Variants in SORCS1 observed in about 807,000 individuals in gnomAD.
SORCS1 encodes the protein VPS10 domain-containing receptor SorCS1.
In SORCS1, 60 loss-of-function variants were observed where a neutral mutation model predicts 146.1. That is an observed-to-expected ratio of 0.41 (90% CI 0.33 to 0.51). The LOEUF is 0.51. Among genes scored for constraint, SORCS1 ranks in the 20% least tolerant of loss-of-function variants. The pLI is 0.21. For missense variants in SORCS1, 1,352 were observed against 1,487.6 expected (o/e 0.91, Z 1.50); for synonymous variants, 637 against 584.0 (o/e 1.09, Z -1.31).
intron 9 of SORCS1, among the ~76,000 whole-genome samples, chr10:106,689,972 G>A (rs991691495): frequency 5.9e-5 from 9 of 152,180 alleles, no homozygotes; most frequent in African/African-American, 2.2e-4. Flanking sequence ...TGGTATAAAT[G>A]AGCTGCAGAG....
At chr10:107,017,111 A>G (rs1422530372) in intron 1 of SORCS1, among the ~76,000 whole-genome samples, 1 of 152,238 alleles carries the variant, frequency 6.6e-6, no homozygotes, top group Admixed American at 6.5e-5. Flanking sequence ...AGTTAACATT[A>G]AGCCATGCTT....
At chr10:107,159,339 T>C (rs1247927247) in intron 1 of SORCS1, among the ~76,000 whole-genome samples, 1 of 152,212 alleles carries the variant, frequency 6.6e-6, no homozygotes, top group Non-Finnish European at 1.5e-5. Flanking sequence ...TAAATTAGTT[T>C]TGACCTGTAA....
chr10:107,171,378 A>G, the SORCS1 span, among the ~76,000 whole-genome samples: 1 of 152,244 alleles, frequency 6.6e-6, no homozygotes, highest in South Asian at 2.1e-4. Flanking sequence ...AAAACACTGT[A>G]CCATCAATCT....
At chr10:106,759,063 T>A (rs1374347519) in intron 5 of SORCS1, among the ~76,000 whole-genome samples, 1 of 152,254 alleles carries the variant, frequency 6.6e-6, no homozygotes, top group African/African-American at 2.4e-5. Context: ...TCTAATGTAG[T>A]TCTCTGGCTT....
chr10:106,629,035 T>A (rs1456708740), intron 19 of SORCS1, among the ~76,000 whole-genome samples, 167 bp downstream of exon 19: 1 of 152,158 alleles, frequency 6.6e-6, no homozygotes, highest in Non-Finnish European at 1.5e-5. Context: ...TACTCTTTGA[T>A]TTTCTTCTCA....
At chr10:106,819,661 A>G (rs538027441) in intron 3 of SORCS1, among the ~76,000 whole-genome samples, 1 of 152,190 alleles carries the variant, frequency 6.6e-6, no homozygotes, top group Admixed American at 6.5e-5. Flanking sequence ...ACCTAGATCT[A>G]GGCCTACCAC....
At chr10:106,658,358 C>T (rs1490781718) in intron 17 of SORCS1, among the ~76,000 whole-genome samples, 1 of 151,770 alleles carries the variant, frequency 6.6e-6, no homozygotes, top group African/African-American at 2.4e-5. Context: ...TTTGTGAAAC[C>T]TCCTCTTCCC....
intron 1 of SORCS1, among the ~76,000 whole-genome samples, chr10:107,039,795 A>G (rs1959079407): frequency 6.6e-6 from 1 of 152,230 alleles, no homozygotes; most frequent in African/African-American, 2.4e-5. Flanking sequence ...TTCACAGAAT[A>G]TAGTAAAATA....
chr10:107,169,131 T>C (rs1970108510), upstream of SORCS1, among the ~76,000 whole-genome samples: 3 of 152,302 alleles, frequency 2.0e-5, no homozygotes, highest in Middle Eastern at 6.8e-3. Flanking sequence ...TTTTCCTAAG[T>C]CTCTTGATTT....
chr10:106,918,888 G>C (rs1952571834), intron 2 of SORCS1, among the ~76,000 whole-genome samples: 1 of 152,048 alleles, frequency 6.6e-6, no homozygotes, highest in Admixed American at 6.5e-5. Context: ...TCAGGCTGGA[G>C]TACAGTGGCA....
chr10:107,147,443 G>A (rs1968423532), intron 1 of SORCS1, among the ~76,000 whole-genome samples: 1 of 152,086 alleles, frequency 6.6e-6, no homozygotes, highest in Admixed American at 6.5e-5. Flanking sequence ...CCTGCCACAA[G>A]GGAGCTGTTG....
intron 2 of SORCS1, among the ~76,000 whole-genome samples, chr10:106,873,014 A>T (rs1950468143): frequency 6.6e-6 from 1 of 152,140 alleles, no homozygotes; most frequent in Non-Finnish European, 1.5e-5. Context: ...CTCTACTAAA[A>T]ATACAAAAAA....
At chr10:106,679,172 GA>G (rs1852251190) in intron 12 of SORCS1, 83 bp downstream of exon 12, 7 of 1,017,018 alleles carry the variant, frequency 6.9e-6, no homozygotes, top group Non-Finnish European at 1.0e-5. Context: ...TAGCACCGCT[GA>G]AAAAAGTTCC....
chr10:106,794,501 C>CTTTTTTT (rs35647552), intron 3 of SORCS1, among the ~76,000 whole-genome samples: 42 of 126,050 alleles, frequency 3.3e-4, no homozygotes, highest in Non-Finnish European at 5.0e-4. Context: ...TTTTCTTTTT[C>CTTTTTTT]TTTTTTTTTT....
chr10:107,030,696 A>G (rs552101197), intron 1 of SORCS1, among the ~76,000 whole-genome samples: 1 of 152,360 alleles, frequency 6.6e-6, no homozygotes, highest in South Asian at 2.1e-4. Context: ...CTCAATTAAT[A>G]CAAGTCATCA....
intron 2 of SORCS1, among the ~76,000 whole-genome samples, chr10:106,929,951 A>T (rs1170232505): frequency 6.6e-6 from 1 of 152,276 alleles, no homozygotes; most frequent in Non-Finnish European, 1.5e-5. Context: ...CTTTTGCTTA[A>T]GAAAATTAAT....
intron 1 of SORCS1, among the ~76,000 whole-genome samples, chr10:107,150,018 T>A (rs553403640): frequency 1.3e-5 from 2 of 152,182 alleles, no homozygotes; most frequent in African/African-American, 4.8e-5. Context: ...AAATTAGGTG[T>A]CCCCCAGTCA....
chr10:106,672,894 A>T lies in SORCS1; in HGVS notation c.2032T>A (p.Tyr678Asn). ...IFDRRCAEED[Y>N]RPWQLHSQGE... ...TGGCTGTGCAGCTGCCAAGGTCTGT[A>T]GTCCTCTTCGGCACACCGTCTATCA... The change falls in exon 15 of 26, where the codon TAC (tyrosine) becomes AAC (asparagine). Residue 678 changes from tyrosine to asparagine, a missense_variant. Around this residue, in one of 3 missense-constraint regions of SORCS1, gnomAD observed 648 missense variants for 793.8 expected, o/e 0.82. Coordinates refer to ENST00000263054, the MANE Select transcript of SORCS1 (RefSeq NM_052918.5). The T allele has an allele frequency of 6.2e-7, 1 of 1,614,102 alleles. No homozygotes were observed.
intron 8 of SORCS1, among the ~76,000 whole-genome samples, chr10:106,703,426 C>T (rs556347503): frequency 3.3e-5 from 5 of 152,192 alleles, no homozygotes; most frequent in South Asian, 2.1e-4. Flanking sequence ...GTATGTATTG[C>T]CTCATTTATC....
Sources: allele counts gnomAD v4.1 joint callset (sites outside exome capture counted in the v4.1 genomes callset), GRCh38; gene constraint gnomAD v4.1.1; regional missense constraint gnomAD v4.1.1; transcripts MANE v1.5; gene names NCBI Gene and HGNC (gene_info 2026-07-23, HGNC 2026-07-21).